EFCAB13: variants seen among roughly 807,000 people sequenced by gnomAD.
EFCAB13 encodes the protein EF-hand calcium-binding domain-containing protein 13.
In EFCAB13, 91 loss-of-function variants were observed where a neutral mutation model predicts 110.2. The ratio of observed to expected loss-of-function variants is 0.83; its 90% CI spans 0.70 to 0.98. The LOEUF is 0.98. Among genes scored for constraint, EFCAB13 ranks in the 50% least tolerant of loss-of-function variants. The probability of loss-of-function intolerance (pLI) is 0.00; values close to 1 mark genes in which losing one functional copy is unlikely to be tolerated. For synonymous variants in EFCAB13, 323 were observed against 369.9 expected, an observed-to-expected ratio of 0.87 and a Z score of 1.45; for missense variants, 968 against 1,119.4, an observed-to-expected ratio of 0.86 and a Z score of 1.93.
At chr17:47,427,450 G>T (rs572784428) in intron 23 of EFCAB13, among the ~76,000 whole-genome samples, 1 of 151,962 alleles carries the variant, frequency 6.6e-6, no homozygotes, top group Non-Finnish European at 1.5e-5. Flanking sequence ...TCATTCAAAT[G>T]GCATAGTTGG....
chr17:47,324,270 A>C (rs555495933), intron 1 of EFCAB13, among the ~76,000 whole-genome samples, 184 bp from the exon 2 acceptor site: 2 of 152,068 alleles, frequency 1.3e-5, no homozygotes, highest in East Asian at 1.9e-4. Context: ...GGGCAGATTG[A>C]AGGGTGACTG....
intron 9 of EFCAB13, among the ~76,000 whole-genome samples, chr17:47,358,559 T>A (rs989293496): frequency 2.0e-5 from 3 of 152,242 alleles, no homozygotes; most frequent in Non-Finnish European, 2.9e-5. Context: ...ATATTCTGGC[T>A]ATTAATCCTT....
chr17:47,412,980 A>G (rs1207889739), intron 22 of EFCAB13, 64 bp downstream of exon 22: 1 of 1,538,902 alleles, frequency 6.5e-7, no homozygotes, highest in Non-Finnish European at 8.8e-7. Context: ...ATAGTCTTAG[A>G]GTGTACCTAT....
intron 20 of EFCAB13, among the ~76,000 whole-genome samples, chr17:47,408,772 G>A (rs1445446353): frequency 1.3e-5 from 2 of 152,088 alleles, no homozygotes; most frequent in Non-Finnish European, 2.9e-5. Context: ...TGATGGGAGA[G>A]GACTACTGGC....
intron 14 of EFCAB13, among the ~76,000 whole-genome samples, chr17:47,385,683 C>T (rs1026033174): frequency 3.3e-5 from 5 of 152,002 alleles, no homozygotes; most frequent in African/African-American, 1.2e-4. Flanking sequence ...GTTTTGTGCC[C>T]TTGCTAGAGA....
At chr17:47,376,524 G>T (rs1022229609) in intron 12 of EFCAB13, among the ~76,000 whole-genome samples, 5 of 152,014 alleles carry the variant, frequency 3.3e-5, no homozygotes, top group African/African-American at 9.7e-5. Flanking sequence ...CAAATTAATG[G>T]TAATTGGACT....
At chr17:47,402,108 T>C (rs1264340573) in intron 17 of EFCAB13, 24 bp from the exon 18 acceptor site, 13 of 1,609,084 alleles carry the variant, frequency 8.1e-6, no homozygotes, top group Non-Finnish European at 1.1e-5. Context: ...GAGGTTGGTC[T>C]ATTAAAAGTG....
chr17:47,405,446 T>A (rs72829623), intron 20 of EFCAB13, among the ~76,000 whole-genome samples: 13,381 of 152,172 alleles, frequency 0.088, 847 homozygotes, highest in East Asian at 0.35. Flanking sequence ...ATTATTTATT[T>A]AAAATTCTGA....
At chr17:47,340,142 T>C (rs1256524165) in intron 5 of EFCAB13, 1 of 152,180 alleles carries the variant, frequency 6.6e-6, no homozygotes, top group Non-Finnish European at 1.5e-5. Flanking sequence ...TTTTAGAGGT[T>C]ATAAGTGAGC....
Position 47,429,836 on chromosome 17 carries a change from C to T in EFCAB13, c.2513C>T (p.Ala838Val), listed in dbSNP as rs760333952. The T allele has an allele frequency of 9.3e-6, 15 of 1,607,548 alleles. No homozygotes were observed. In the Admixed American group the frequency reaches 2.2e-4, roughly 23 times the overall value. Residue 838 changes from alanine (A) to valine (V), a missense_variant, in exon 24 of 25, where the codon GCT becomes GTT. Coordinates refer to ENST00000331493, the MANE Select transcript of EFCAB13 (RefSeq NM_152347.5). ...QKSKATQILL[A>V]TTQILQNDLV... is the part of the protein sequence containing the mutation. ...TTTGCAGCTACACAGATACTCTTAGCTACTACCCAAATTCTCCAGAATGAT... is the reference window on the plus strand; with the variant it reads ...TTTGCAGCTACACAGATACTCTTAGTTACTACCCAAATTCTCCAGAATGAT...
At position 47,374,653 on chromosome 17, in the gene EFCAB13, T is replaced by A. The variant is rs2065603936; in HGVS notation, c.1059T>A (p.Asp353Glu). The change falls in exon 12 of 25, where the codon GAT becomes GAA. Residue 353 changes from aspartate to glutamate, a missense_variant. By Grantham distance (45) the Asp-to-Glu change is conservative. Transcript: ENST00000331493. ...NQYYSKIMEN[D>E]DLESKRPKNT... Reference sequence around the variant, plus strand: ...ATTATAGCAAAATTATGGAGAATGATGACCTTGAATCTAAAAGACCAAAAA... The same window carrying A: ...ATTATAGCAAAATTATGGAGAATGAAGACCTTGAATCTAAAAGACCAAAAA... The A allele has an allele frequency of 6.2e-7, 1 of 1,608,264 alleles. No homozygotes were observed. Among genetic ancestry groups the A allele is most frequent in the African/African-American group, 1.3e-5 (1 of 74,386 alleles).
In EFCAB13 at chr17:47,412,863, T is replaced by C; in HGVS notation, c.2369T>C (p.Val790Ala). ...DLEHALKCLNVNLTEEDFNEA... is the reference protein window; with the variant it reads ...DLEHALKCLNANLTEEDFNEA... Reference sequence around the variant, plus strand: ...GAGCATGCCTTGAAATGTTTGAATGTTAATTTAACTGAGGAGGACTTCAAT... The same window carrying C: ...GAGCATGCCTTGAAATGTTTGAATGCTAATTTAACTGAGGAGGACTTCAAT... Residue 790 changes from valine (V) to alanine (A), a missense_variant, in exon 22 of 25, where the codon GTT (valine) becomes GCT (alanine). Coordinates refer to ENST00000331493, the MANE Select transcript of EFCAB13 (RefSeq NM_152347.5). The C allele has an allele frequency of 3.1e-6, 5 of 1,613,888 alleles. No individual in the cohort carries two copies. The highest frequency in any genetic ancestry group is 4.2e-6 in the Non-Finnish European group (5 of 1,179,876).
intron 23 of EFCAB13, among the ~76,000 whole-genome samples, chr17:47,416,205 C>G (rs1275873761): frequency 6.6e-6 from 1 of 152,034 alleles, no homozygotes; most frequent in African/African-American, 2.4e-5. Flanking sequence ...GAAAGTTGTG[C>G]AACCATCACA....
rs61020525 is a variant in EFCAB13, at chr17:47,362,891, A to G, written c.805+1370A>G. 8.7e-3 allele frequency among the ~76,000 whole-genome samples: 1,324 copies of G among 152,148 alleles called. 20 individuals are homozygous for G. Among genetic ancestry groups the G allele is most frequent in the African/African-American group, 0.031 (1,269 of 41,490 alleles). On this transcript the variant is annotated intron_variant, in intron 10 of 24. Coordinates refer to ENST00000331493, the MANE Select transcript of EFCAB13 (RefSeq NM_152347.5). Reference sequence around the variant, plus strand: ...TACCCTGCCCCTTTGTTTTGTATCCAATAAATATCAGCGCAACCTGGCATT... The same window carrying G: ...TACCCTGCCCCTTTGTTTTGTATCCGATAAATATCAGCGCAACCTGGCATT...
chr17:47,405,642 T>A (rs755466725), intron 20 of EFCAB13, among the ~76,000 whole-genome samples: 1 of 151,926 alleles, frequency 6.6e-6, no homozygotes, highest in Non-Finnish European at 1.5e-5. Flanking sequence ...GACAGCCCTA[T>A]GCACTTCTAA....
chr17:47,430,025 T>C (rs1007102368), intron 24 of EFCAB13, 64 bp downstream of exon 24: 2 of 1,483,468 alleles, frequency 1.3e-6, no homozygotes, highest in African/African-American at 2.8e-5. Flanking sequence ...GGAAGGTCTA[T>C]GGGTAGGACA....
chr17:47,337,612 T>C (rs146798317), intron 5 of EFCAB13, among the ~76,000 whole-genome samples: 116 of 152,324 alleles, frequency 7.6e-4, no homozygotes, highest in Non-Finnish European at 1.2e-4. Context: ...TTTACCTAAA[T>C]AAGGAAACTG....
intron 9 of EFCAB13, 47 bp downstream of exon 9, chr17:47,347,998 A>G: frequency 7.6e-7 from 1 of 1,307,572 alleles, no homozygotes; most frequent in Non-Finnish European, 9.9e-7. Flanking sequence ...GCAATCATAA[A>G]TATGTTTGTC....
rs576032560 is a variant in EFCAB13, at chr17:47,431,240, T to C, written c.2638+1279T>C. ...TATTTTGTACCCATTAACCAACCCC[T>C]TTTTTTAATCTCCTTCCGCCTATAT... On this transcript the variant is annotated intron_variant, in intron 24 of 24. Transcript: ENST00000331493. This position sits in a 1 kb window ranked among gnomAD's most constrained non-coding sequence, Gnocchi z 4.1. Among the ~76,000 whole-genome samples, 5 of 152,170 alleles carry C rather than the reference T, an allele frequency of 3.3e-5. No individual in the cohort carries two copies. The South Asian group carries it at 1.0e-3, about 32-fold the overall frequency.
Sources: allele counts gnomAD v4.1 joint callset (sites outside exome capture counted in the v4.1 genomes callset), GRCh38; gene constraint gnomAD v4.1.1; non-coding constraint Gnocchi (gnomAD v3.1); transcripts MANE v1.5; gene names NCBI Gene and HGNC (gene_info 2026-07-23, HGNC 2026-07-21).